Variants in SNCAIP observed in about 807,000 individuals in gnomAD.
SNCAIP encodes synphilin-1.
A neutral mutation model predicts 86.7 loss-of-function variants in SNCAIP; 43 were observed. That is an observed-to-expected ratio of 0.50 (90% CI 0.39 to 0.64). The LOEUF (loss-of-function observed/expected upper bound fraction) is 0.64, where lower values mean the gene tolerates loss of function less well. Ranked by LOEUF, SNCAIP falls within the 30% of genes least tolerant of loss-of-function variation. The probability of loss-of-function intolerance (pLI) is 0.00; values close to 1 mark genes in which losing one functional copy is unlikely to be tolerated. For missense variants in SNCAIP, 981 were observed against 1,103.1 expected (o/e 0.89, Z 1.57); for synonymous variants, 417 against 427.2 (o/e 0.98, Z 0.29).
intron 1 of SNCAIP, among the ~76,000 whole-genome samples, chr5:122,315,891 T>C (rs1228396858): frequency 6.6e-6 from 1 of 152,072 alleles, no homozygotes; most frequent in Non-Finnish European, 1.5e-5. Context: ...ATCCCATATT[T>C]AGGATGAGGT....
At chr5:122,345,208 G>A (rs534557219) in intron 1 of SNCAIP, among the ~76,000 whole-genome samples, 9 of 152,220 alleles carry the variant, frequency 5.9e-5, no homozygotes, top group African/African-American at 1.9e-4. Context: ...TTTAAAAAAT[G>A]TTGTATCAAA....
At chr5:122,444,884 C>G in intron 8 of SNCAIP, 152 bp downstream of exon 8, 1 of 738,374 alleles carries the variant, frequency 1.4e-6, no homozygotes, top group Non-Finnish European at 2.4e-6. Flanking sequence ...AAAGTCCTCA[C>G]AGCCAGCGTT....
intron 1 of SNCAIP, among the ~76,000 whole-genome samples, chr5:122,381,050 A>G (rs373125776): frequency 2.7e-5 from 4 of 150,258 alleles, no homozygotes; most frequent in African/African-American, 1.0e-4. Context: ...GTAGATGTCT[A>G]TTAGGTCCGC....
chr5:122,450,744 T>TGC lies in SNCAIP; in HGVS notation c.1898_1899dup (p.Thr634AlafsTer30). The stretch of plus-strand genomic sequence containing the variant: ...GGGAAAGGAAATCTCAGAAAATGTC[T>TGC]GCACCCAGGAAAAACTGTCCTTGGA... On this transcript the variant is annotated frameshift_variant, in exon 10 of 11. Transcript: ENST00000261368. LOFTEE classifies it high-confidence loss of function. 6.2e-7 allele frequency: 1 copy of TGC among 1,614,172 alleles called. No homozygotes were observed. The highest frequency in any genetic ancestry group is 8.5e-7 in the Non-Finnish European group (1 of 1,179,996).
chr5:122,403,875 G>T lies in SNCAIP; in HGVS notation c.130+10G>T, dbSNP rs750666309. 6.2e-7 allele frequency: 1 copy of T among 1,607,070 alleles called. No homozygotes were observed. Among genetic ancestry groups the T allele is most frequent in the Non-Finnish European group, 8.5e-7 (1 of 1,173,638 alleles). On this transcript the variant is annotated intron_variant, in intron 3 of 10. Transcript: ENST00000261368. ...AACGAAGACAGATCAGGTAGGTTTTGCTCCTCCCCTCTTCTCCTTATCCTG... is the reference window on the plus strand; with the variant it reads ...AACGAAGACAGATCAGGTAGGTTTTTCTCCTCCCCTCTTCTCCTTATCCTG...
At chr5:122,348,349 C>A (rs547860541) in intron 1 of SNCAIP, among the ~76,000 whole-genome samples, 12 of 152,194 alleles carry the variant, frequency 7.9e-5, no homozygotes, top group African/African-American at 2.9e-4. Flanking sequence ...TTGCTTATTA[C>A]CTTCATGTTC....
intron 5 of SNCAIP, among the ~76,000 whole-genome samples, chr5:122,429,197 A>C (rs1408724467): frequency 6.6e-6 from 1 of 151,936 alleles, no homozygotes; most frequent in East Asian, 1.9e-4. Flanking sequence ...GTAGCTGTAA[A>C]TGCCTCTATT....
chr5:122,350,117 A>T (rs1759459287), intron 1 of SNCAIP, among the ~76,000 whole-genome samples: 1 of 152,198 alleles, frequency 6.6e-6, no homozygotes, highest in Middle Eastern at 3.2e-3. Context: ...ATACAAATTT[A>T]TTTCAAGAAT....
chr5:122,414,005 A>G (rs1389335257), intron 3 of SNCAIP, among the ~76,000 whole-genome samples: 8 of 152,058 alleles, frequency 5.3e-5, no homozygotes. Context: ...CAACTCCTGG[A>G]CTCAAGCAGT....
intron 1 of SNCAIP, among the ~76,000 whole-genome samples, chr5:122,330,401 G>A (rs1389813153): frequency 2.6e-5 from 4 of 152,196 alleles, no homozygotes; most frequent in South Asian, 4.1e-4. Context: ...GATTACAGGC[G>A]TGAGCCACCG....
At chr5:122,384,281 T>G (rs1046022658) in intron 1 of SNCAIP, among the ~76,000 whole-genome samples, 1 of 152,212 alleles carries the variant, frequency 6.6e-6, no homozygotes, top group Non-Finnish European at 1.5e-5. Flanking sequence ...GTTTGCCATC[T>G]GTAAAATATG....
At chr5:122,397,912 A>G (rs1770959308) in intron 2 of SNCAIP, among the ~76,000 whole-genome samples, 1 of 152,178 alleles carries the variant, frequency 6.6e-6, no homozygotes, top group South Asian at 2.1e-4. Flanking sequence ...AATTTAAGGA[A>G]TTTTAAACAA....
At chr5:122,328,841 C>G (rs555793501) in intron 1 of SNCAIP, among the ~76,000 whole-genome samples, 20 of 152,318 alleles carry the variant, frequency 1.3e-4, no homozygotes, top group African/African-American at 3.8e-4. Flanking sequence ...TGGCCAGTCC[C>G]TTACCCTTTT....
At chr5:122,337,893 C>T (rs928921548) in intron 1 of SNCAIP, among the ~76,000 whole-genome samples, 5 of 152,172 alleles carry the variant, frequency 3.3e-5, no homozygotes, top group African/African-American at 7.2e-5. Context: ...TCTCTTGTTA[C>T]CTGGTTTATT....
intron 1 of SNCAIP, among the ~76,000 whole-genome samples, chr5:122,348,586 A>G (rs751467233): frequency 2.6e-5 from 4 of 152,158 alleles, no homozygotes; most frequent in Admixed American, 2.6e-4. Context: ...TAGTGTACAT[A>G]CAACCCATAT....
intron 1 of SNCAIP, among the ~76,000 whole-genome samples, chr5:122,379,774 T>A (rs1210890658): frequency 6.8e-6 from 1 of 147,052 alleles, no homozygotes; most frequent in Admixed American, 6.8e-5. Flanking sequence ...TGTCAAAGGC[T>A]TTTTCTGCAT....
At chr5:122,377,491 A>G (rs972281958) in intron 1 of SNCAIP, among the ~76,000 whole-genome samples, 2 of 112,352 alleles carry the variant, frequency 1.8e-5, no homozygotes, top group Admixed American at 8.6e-5. Flanking sequence ...AGAGGGAGAC[A>G]GACAGAGAGA....
At position 122,450,968 on chromosome 5, in the gene SNCAIP, C is replaced by A. The variant is rs146249796; in HGVS notation, c.2121C>A (p.Ser707Arg). 1.9e-6 allele frequency: 3 copies of A among 1,613,986 alleles called. 1 individual carries two copies. The African/African-American group carries it at 4.0e-5, about 22-fold the overall frequency. Reference sequence around the variant, plus strand: ...CAAGGCCGCAGCCCATTGTAGAAAGCGTAGAGAGTATGGACAGCGCAGAAA... The same window carrying A: ...CAAGGCCGCAGCCCATTGTAGAAAGAGTAGAGAGTATGGACAGCGCAGAAA... ...DRPRPQPIVE[S>R]VESMDSAESL... Residue 707 changes from serine (S) to arginine (R), a missense_variant, in exon 10 of 11, where the codon AGC becomes AGA. Physicochemically the swap from Ser to Arg is moderately radical, Grantham distance 110. Coordinates refer to ENST00000261368, the MANE Select transcript of SNCAIP (RefSeq NM_005460.4).
intron 1 of SNCAIP, among the ~76,000 whole-genome samples, chr5:122,344,818 T>C (rs551529893): frequency 1.3e-5 from 2 of 152,350 alleles, no homozygotes; most frequent in Non-Finnish European, 2.9e-5. Flanking sequence ...ACTTATTTTT[T>C]CAGCTCCCCA....
Sources: allele counts gnomAD v4.1 joint callset (sites outside exome capture counted in the v4.1 genomes callset), GRCh38; gene constraint gnomAD v4.1.1; transcripts MANE v1.5; gene names NCBI Gene and HGNC (gene_info 2026-07-23, HGNC 2026-07-21).